The following PPP2R2B variants were observed in gnomAD, a reference collection of about 807,000 sequenced individuals.
PPP2R2B encodes the protein protein phosphatase 2 regulatory subunit Bbeta.
PPP2R2B carries 5 observed loss-of-function variants against 46.0 expected under a neutral mutation model. The observed-to-expected ratio is 0.11, with a 90% CI of 0.06 to 0.23. The LOEUF is 0.23. Among genes scored for constraint, PPP2R2B ranks in the 10% least tolerant of loss-of-function variants. The pLI, the probability that PPP2R2B is intolerant of heterozygous loss-of-function variation, is 1.00. For synonymous variants in PPP2R2B, 215 were observed against 206.7 expected, an observed-to-expected ratio of 1.04 and a Z score of -0.34; for missense variants, 367 against 575.0, an observed-to-expected ratio of 0.64 and a Z score of 3.70.
chr5:146,689,953 G>A (rs931444161), intron 5 of PPP2R2B, among the ~76,000 whole-genome samples: 1 of 152,210 alleles, frequency 6.6e-6, no homozygotes, highest in Non-Finnish European at 1.5e-5. Context: ...GGTCAGCACA[G>A]AGTCTATATT....
chr5:147,066,928 TG>T (rs1358824337), intron 2 of PPP2R2B, among the ~76,000 whole-genome samples: 1 of 152,080 alleles, frequency 6.6e-6, no homozygotes, highest in Non-Finnish European at 1.5e-5. Flanking sequence ...CCAAGGCCCT[TG>T]GTGGGCTACT....
chr5:147,057,868 G>A (rs1445376322), upstream of PPP2R2B, among the ~76,000 whole-genome samples: 1 of 152,152 alleles, frequency 6.6e-6, no homozygotes, highest in East Asian at 1.9e-4. Context: ...GGCCTAACAA[G>A]GATAATAATA....
At position 146,942,004 on chromosome 5, in the gene PPP2R2B, C is replaced by T. The variant is rs544785338; in HGVS notation, c.79+113661G>A. ...TCTTTGGCTTGTAGATGCCTCACTC[C>T]GGTCTCCGCCTCCCCAGTTGCATGG... On this transcript the variant is annotated intron_variant, in intron 1 of 8. Coordinates refer to the PPP2R2B transcript ENST00000336640. Among the ~76,000 whole-genome samples, 11 of 152,254 alleles carry T rather than the reference C, an allele frequency of 7.2e-5. No individual in the cohort carries two copies. The South Asian group carries it at 2.1e-3, about 29-fold the overall frequency.
chr5:147,047,159 A>G (rs1015576621), intron 1 of PPP2R2B, among the ~76,000 whole-genome samples: 1 of 152,076 alleles, frequency 6.6e-6, no homozygotes, highest in Non-Finnish European at 1.5e-5. Context: ...ACACAAGCAT[A>G]GAGAGGGATA....
intron 5 of PPP2R2B, among the ~76,000 whole-genome samples, chr5:146,667,488 G>T (rs2151116335): frequency 6.6e-6 from 1 of 151,906 alleles, no homozygotes; most frequent in East Asian, 1.9e-4. Flanking sequence ...AATAAGAATG[G>T]AGAAAAAGAA....
At position 146,878,524 on chromosome 5, in the gene PPP2R2B, G is replaced by A. The variant is rs999456571; in HGVS notation, c.-125+67C>T. On this transcript the variant is annotated intron_variant, in intron 1 of 9. Coordinates refer to ENST00000394411, the MANE Select transcript of PPP2R2B (RefSeq NM_181675.4). The surrounding 1 kb of genome is among the most constrained non-coding windows in gnomAD (Gnocchi z 4.5). ...TCCCCCTGGGAGAGCGGGCAGCCGC[G>A]ACAAAATGGTGCCTTTCTGGACCCG... is the stretch of plus-strand genomic sequence containing the variant. The A allele has an allele frequency of 1.9e-5, 25 of 1,282,664 alleles. No homozygotes were observed. The highest frequency in any genetic ancestry group is 2.5e-5 in the Non-Finnish European group (25 of 1,000,744). 79.5% of individuals were successfully genotyped at this position (1,282,664 alleles called of 1,614,324 possible).
At chr5:146,821,877 T>C (rs1303877512) in intron 2 of PPP2R2B, among the ~76,000 whole-genome samples, 3 of 152,150 alleles carry the variant, frequency 2.0e-5, no homozygotes, top group Admixed American at 6.5e-5. Flanking sequence ...TAAATTCCCA[T>C]TTATGCAAAG....
chr5:146,851,690 C>A (rs895533995), intron 2 of PPP2R2B, among the ~76,000 whole-genome samples: 1 of 152,100 alleles, frequency 6.6e-6, no homozygotes, highest in Non-Finnish European at 1.5e-5. Flanking sequence ...ACAAGGTATA[C>A]CTTTTCTAAG....
At chr5:146,641,337 C>A (rs1468498814) in intron 6 of PPP2R2B, among the ~76,000 whole-genome samples, 2 of 152,096 alleles carry the variant, frequency 1.3e-5, no homozygotes, top group Non-Finnish European at 2.9e-5. Context: ...GAGGAATGGC[C>A]TCACAAAGCT....
At chr5:146,666,365 T>A (rs576590918) in intron 5 of PPP2R2B, among the ~76,000 whole-genome samples, 1 of 152,338 alleles carries the variant, frequency 6.6e-6, no homozygotes, top group Admixed American at 6.5e-5. Context: ...TATAGTATTA[T>A]TTGACTGGAT....
intron 1 of PPP2R2B, among the ~76,000 whole-genome samples, chr5:146,914,039 G>T (rs1164251844): frequency 6.6e-6 from 1 of 152,150 alleles, no homozygotes; most frequent in Non-Finnish European, 1.5e-5. Context: ...ATGTATATAT[G>T]AAATCACAAC....
intron 5 of PPP2R2B, among the ~76,000 whole-genome samples, chr5:146,653,504 C>G (rs428741): frequency 0.035 from 5,280 of 152,204 alleles, 315 homozygotes; most frequent in African/African-American, 0.12. Flanking sequence ...GGTTCCTCTG[C>G]CGTCAAGAGG....
intron 2 of PPP2R2B, among the ~76,000 whole-genome samples, chr5:146,854,373 G>T (rs911371598): frequency 3.9e-5 from 6 of 152,030 alleles, no homozygotes; most frequent in African/African-American, 1.4e-4. Flanking sequence ...ATCAAGTTAT[G>T]GTATTCGGGT....
At chr5:146,707,550 G>A (rs1034671805) in intron 2 of PPP2R2B, 1 of 718,706 alleles carries the variant, frequency 1.4e-6, no homozygotes, top group Non-Finnish European at 2.5e-6. Context: ...CAGAAGGCCC[G>A]GGTGCCAGAG....
chr5:146,683,470 C>T (rs1778302322), intron 5 of PPP2R2B, among the ~76,000 whole-genome samples: 1 of 152,206 alleles, frequency 6.6e-6, no homozygotes, highest in Admixed American at 6.5e-5. Flanking sequence ...GCTATCACAT[C>T]TCTACAATAA....
At chr5:146,636,767 C>T (rs868646866) in intron 7 of PPP2R2B, among the ~76,000 whole-genome samples, 1 of 152,228 alleles carries the variant, frequency 6.6e-6, no homozygotes, top group African/African-American at 2.4e-5. Context: ...CTGATATGAA[C>T]CATCATTGCT....
intron 9 of PPP2R2B, among the ~76,000 whole-genome samples, chr5:146,592,541 C>A (rs1386807623): frequency 6.6e-6 from 1 of 152,192 alleles, no homozygotes; most frequent in Non-Finnish European, 1.5e-5. Context: ...GACTAGAATT[C>A]AGTTAATGAA....
At chr5:146,707,005 G>T in intron 2 of PPP2R2B, 1 of 990,928 alleles carries the variant, frequency 1.0e-6, no homozygotes. Flanking sequence ...GTTAATGTAA[G>T]CTTCATCCAC....
At chr5:146,837,698 A>AT (rs554394551) in intron 2 of PPP2R2B, among the ~76,000 whole-genome samples, 2 of 152,194 alleles carry the variant, frequency 1.3e-5, no homozygotes, top group South Asian at 2.1e-4. Flanking sequence ...TATTTTATAT[A>AT]TTTTTTTGTA....
Sources: gnomAD v4.1 joint callset for allele counts (sites outside exome capture counted in the v4.1 genomes callset) on GRCh38, gnomAD v4.1.1 for gene constraint, Gnocchi (gnomAD v3.1) non-coding constraint, MANE v1.5 for transcripts, NCBI Gene and HGNC (gene_info 2026-07-23, HGNC 2026-07-21) for gene names.